The following ABLIM1 variants were observed in gnomAD, a reference collection of about 807,000 sequenced individuals.
ABLIM1 encodes actin binding LIM protein 1, also known as actin-binding LIM protein 1.
ABLIM1 carries 40 observed loss-of-function variants against 107.0 expected under a neutral mutation model. That is an observed-to-expected ratio of 0.37 (90% CI 0.29 to 0.49). ABLIM1 has a LOEUF of 0.49. Ranked by LOEUF, ABLIM1 falls within the 20% of genes least tolerant of loss-of-function variation. The probability of loss-of-function intolerance (pLI) is 0.97; values close to 1 mark genes in which losing one functional copy is unlikely to be tolerated. For missense variants in ABLIM1, 857 were observed against 1,008.5 expected (o/e 0.85, Z 2.04); for synonymous variants, 357 against 357.3 (o/e 1.00, Z 0.01).
intron 1 of ABLIM1, among the ~76,000 whole-genome samples, chr10:114,744,977 T>G (rs1481425898): frequency 6.6e-6 from 1 of 152,032 alleles, no homozygotes; most frequent in African/African-American, 2.4e-5. Flanking sequence ...CAAAACCTGT[T>G]CTCTCAATTG....
intron 6 of ABLIM1, among the ~76,000 whole-genome samples, chr10:114,521,869 C>T (rs375941109): frequency 3.5e-4 from 54 of 152,184 alleles, no homozygotes; most frequent in African/African-American, 1.1e-3. Context: ...TCCAGATAGT[C>T]GGGGAACAGT....
intron 1 of ABLIM1, chr10:114,690,515 T>G: frequency 6.8e-7 from 1 of 1,462,940 alleles, no homozygotes; most frequent in Non-Finnish European, 9.6e-7. Context: ...ATCCTTTCTC[T>G]CCCATGCCCA....
At chr10:114,468,336 G>A (rs56144941) in intron 10 of ABLIM1, 120 bp from the exon 11 acceptor site, 13,952 of 908,722 alleles carry the variant, frequency 0.015, 164 homozygotes, top group Non-Finnish European at 0.02. Flanking sequence ...GTGCAGTGGC[G>A]CAATCTCGGT....
chr10:114,593,044 C>T (rs2075065538), intron 2 of ABLIM1, among the ~76,000 whole-genome samples: 1 of 41,416 alleles, frequency 2.4e-5, no homozygotes, highest in African/African-American at 1.0e-4. Flanking sequence ...GTATGGGGTA[C>T]TCAATGGTTC....
At chr10:114,460,785 A>C (rs564692965) in intron 12 of ABLIM1, among the ~76,000 whole-genome samples, 1 of 152,336 alleles carries the variant, frequency 6.6e-6, no homozygotes, top group Admixed American at 6.5e-5. Context: ...CGGAGATCAT[A>C]TCTGAACCCA....
chr10:114,582,944 C>T (rs1015762009), intron 2 of ABLIM1, among the ~76,000 whole-genome samples: 11 of 152,022 alleles, frequency 7.2e-5, no homozygotes, highest in African/African-American at 2.7e-4. Flanking sequence ...TTCTGGACAT[C>T]GGCCTTGGCA....
chr10:114,604,938 C>CA (rs2076306546), intron 1 of ABLIM1, among the ~76,000 whole-genome samples: 1 of 152,230 alleles, frequency 6.6e-6, no homozygotes, highest in East Asian at 1.9e-4. Flanking sequence ...CACCAGCTAC[C>CA]AAGCTCAGAA....
At chr10:114,600,350 G>T (rs570948180) in intron 2 of ABLIM1, among the ~76,000 whole-genome samples, 1 of 152,144 alleles carries the variant, frequency 6.6e-6, no homozygotes, top group African/African-American at 2.4e-5. Context: ...CATTTGTAAC[G>T]CTTGTCATGC....
chr10:114,725,703 T>C (rs1013972386), intron 1 of ABLIM1, among the ~76,000 whole-genome samples: 1 of 150,576 alleles, frequency 6.6e-6, no homozygotes, highest in Admixed American at 6.7e-5. Flanking sequence ...TCACTATATA[T>C]AATATATATA....
intron 6 of ABLIM1, among the ~76,000 whole-genome samples, chr10:114,506,200 G>A (rs573427999): frequency 9.9e-5 from 15 of 152,276 alleles, no homozygotes; most frequent in South Asian, 6.2e-4. Context: ...ATTTTGTTCC[G>A]TTTTTGGCTG....
At chr10:114,440,379 C>T (rs529884286) in intron 19 of ABLIM1, among the ~76,000 whole-genome samples, 2 of 152,318 alleles carry the variant, frequency 1.3e-5, no homozygotes, top group South Asian at 2.1e-4. Flanking sequence ...GTTCATCACA[C>T]AGACCTTCTT....
Position 114,588,867 on chromosome 10 carries a change from C to A in ABLIM1, c.379+12960G>T, listed in dbSNP as rs138011921. Among the ~76,000 whole-genome samples, 900 of 152,152 alleles carry A rather than the reference C, an allele frequency of 5.9e-3. 4 individuals carry two copies. Among genetic ancestry groups the A allele is most frequent in the Non-Finnish European group, 8.7e-3 (591 of 68,006 alleles). ...ATTTTTTCCCCCCTCCATCACCCCA[C>A]TACCAATTCAAGCTAGAAACTTCCT... is the stretch of plus-strand genomic sequence containing the variant. On this transcript the variant is annotated intron_variant, in intron 2 of 22. Transcript: ENST00000533213.
intron 2 of ABLIM1, among the ~76,000 whole-genome samples, chr10:114,577,568 C>T (rs915029890): frequency 6.6e-6 from 1 of 152,306 alleles, no homozygotes; most frequent in East Asian, 1.9e-4. Context: ...TTTCTTAGGG[C>T]ACCTGTCTGC....
At chr10:114,729,969 CA>C (rs1434965257) in intron 1 of ABLIM1, among the ~76,000 whole-genome samples, 3 of 152,104 alleles carry the variant, frequency 2.0e-5, no homozygotes, top group Non-Finnish European at 4.4e-5. Context: ...ATTCTTCATC[CA>C]AAAACTCCTT....
chr10:114,681,915 T>C (rs1271476355), intron 1 of ABLIM1, among the ~76,000 whole-genome samples: 5 of 152,212 alleles, frequency 3.3e-5, no homozygotes, highest in African/African-American at 4.8e-5. Flanking sequence ...GCAGCGCTCA[T>C]TTGCAGTGGC....
At chr10:114,541,199 T>C (rs883768) in intron 6 of ABLIM1, among the ~76,000 whole-genome samples, 117,920 of 152,076 alleles carry the variant, frequency 0.78, 46,314 homozygotes, top group African/African-American at 0.91. Context: ...AGAGACAGCA[T>C]TGCCTTGCCT....
chr10:114,709,685 T>G (rs1340945001), intron 1 of ABLIM1, among the ~76,000 whole-genome samples: 1 of 152,244 alleles, frequency 6.6e-6, no homozygotes, highest in Non-Finnish European at 1.5e-5. Context: ...TATTGTCATA[T>G]GAAAAGGCAA....
At chr10:114,683,220 C>A (rs1325197316) in intron 1 of ABLIM1, among the ~76,000 whole-genome samples, 1 of 152,234 alleles carries the variant, frequency 6.6e-6, no homozygotes, top group Non-Finnish European at 1.5e-5. Flanking sequence ...TGGCTGACCA[C>A]CCACGTGGGG....
intron 1 of ABLIM1, among the ~76,000 whole-genome samples, chr10:114,742,687 G>C (rs2142308342): frequency 6.6e-6 from 1 of 152,238 alleles, no homozygotes; most frequent in Admixed American, 6.5e-5. Flanking sequence ...CCAGCACTTT[G>C]GGAGGCTGAG....
Sources: gnomAD v4.1 joint callset for allele counts (sites outside exome capture counted in the v4.1 genomes callset) on GRCh38, gnomAD v4.1.1 for gene constraint, MANE v1.5 for transcripts, NCBI Gene and HGNC (gene_info 2026-07-23, HGNC 2026-07-21) for gene names.